The following SEL1L variants were observed in gnomAD, a reference collection of about 807,000 sequenced individuals.
SEL1L encodes protein sel-1 homolog 1.
SEL1L carries 52 observed loss-of-function variants against 109.8 expected under a neutral mutation model. That is an observed-to-expected ratio of 0.47 (90% CI 0.38 to 0.60). SEL1L has a LOEUF of 0.60. Ranked by LOEUF, SEL1L falls within the 20% of genes least tolerant of loss-of-function variation. The pLI is 0.00. For synonymous variants in SEL1L, 373 were observed against 339.6 expected, an observed-to-expected ratio of 1.10 and a Z score of -1.08; for missense variants, 749 against 962.2, an observed-to-expected ratio of 0.78 and a Z score of 2.93.
intron 3 of SEL1L, among the ~76,000 whole-genome samples, chr14:81,510,514 C>CTCTCTCTCTCTCTATATATATA (rs35474067): frequency 3.8e-5 from 4 of 104,054 alleles, no homozygotes; most frequent in African/African-American, 6.8e-5. Flanking sequence ...CTCTCTCTCT[C>CTCTCTCTCTCTCTATATATATA]TATATATATA....
intron 11 of SEL1L, 145 bp downstream of exon 11, chr14:81,494,936 G>C (rs1883683968): frequency 2.9e-6 from 2 of 686,758 alleles, no homozygotes; most frequent in East Asian, 5.5e-5. Flanking sequence ...GCTTTCTTAG[G>C]GGTTGGTTAC....
In SEL1L at chr14:81,489,241, T is replaced by A. The variant is rs1266664463; in HGVS notation, c.1395+11A>T. ...GCTCATTAAAGAGAGAATGTCAGAC[T>A]GAACACTTACAACTTGAACTCCTCT... On this transcript the variant is annotated intron_variant, in intron 14 of 20. Transcript: ENST00000336735. 6.2e-7 allele frequency: 1 copy of A among 1,611,966 alleles called. No homozygotes were observed. Among genetic ancestry groups the A allele is most frequent in the South Asian group, 1.1e-5 (1 of 91,010 alleles).
intron 18 of SEL1L, among the ~76,000 whole-genome samples, chr14:81,484,930 T>C (rs1182339326): frequency 6.6e-6 from 1 of 152,254 alleles, no homozygotes; most frequent in East Asian, 1.9e-4. Flanking sequence ...GGCTCTACTT[T>C]ATAATGTCAT....
Position 81,483,416 on chromosome 14 carries a change from T to C in SEL1L, c.2046+809A>G, listed in dbSNP as rs567109736. On this transcript the variant is annotated intron_variant, in intron 19 of 20. Coordinates refer to ENST00000336735, the MANE Select transcript of SEL1L (RefSeq NM_005065.6). ...AGATCACTGGTAATAAAATTCAAAATGAATTTATACACTTGTTTGTTTCAG... is the reference window on the plus strand; with the variant it reads ...AGATCACTGGTAATAAAATTCAAAACGAATTTATACACTTGTTTGTTTCAG... 5.3e-5 allele frequency among the ~76,000 whole-genome samples: 8 copies of C among 152,338 alleles called. No homozygotes were observed. In the South Asian group the frequency reaches 1.7e-3, roughly 32 times the overall value.
intron 3 of SEL1L, among the ~76,000 whole-genome samples, chr14:81,512,110 C>T (rs765130469): frequency 5.3e-5 from 8 of 152,158 alleles, no homozygotes; most frequent in Non-Finnish European, 1.2e-4. Flanking sequence ...TTGAGTATAT[C>T]ATTGTTCTGG....
Position 81,476,953 on chromosome 14 carries a change from A to T in SEL1L, c.*19T>A, listed in dbSNP as rs764495206. On this transcript the variant is annotated 3_prime_UTR_variant, in exon 21 of 21. Coordinates refer to ENST00000336735, the MANE Select transcript of SEL1L (RefSeq NM_005065.6). ...TAACTTCCTTCGCTGTCACTGATCAAGGCTGGACCCAGTGCCTATTACTGT... is the reference window on the plus strand; with the variant it reads ...TAACTTCCTTCGCTGTCACTGATCATGGCTGGACCCAGTGCCTATTACTGT... 1 of 1,613,444 alleles carries T rather than the reference A, an allele frequency of 6.2e-7. No individual in the cohort carries two copies. Among genetic ancestry groups the T allele is most frequent in the South Asian group, 1.1e-5 (1 of 91,062 alleles).
intron 3 of SEL1L, among the ~76,000 whole-genome samples, chr14:81,522,069 T>A (rs572935908): frequency 6.6e-6 from 1 of 152,238 alleles, no homozygotes; most frequent in Admixed American, 6.5e-5. Context: ...GGATAATATA[T>A]AAAGAAAATA....
At chr14:81,519,080 T>C (rs1884815054) in intron 3 of SEL1L, among the ~76,000 whole-genome samples, 1 of 152,184 alleles carries the variant, frequency 6.6e-6, no homozygotes, top group South Asian at 2.1e-4. Flanking sequence ...GCAAGTTTGG[T>C]ACATGCCAGG....
chr14:81,477,898 A>G (rs112654608), intron 20 of SEL1L, among the ~76,000 whole-genome samples: 50 of 152,356 alleles, frequency 3.3e-4, no homozygotes, highest in African/African-American at 1.2e-3. Flanking sequence ...GTGACAGCAC[A>G]CCAGCTGGAA....
At chr14:81,485,605 T>A in intron 18 of SEL1L, 67 bp downstream of exon 18, 1 of 1,340,884 alleles carries the variant, frequency 7.5e-7, no homozygotes, top group South Asian at 1.2e-5. Context: ...TGATTTAATG[T>A]TCATGGGAGA....
chr14:81,479,656 T>C lies in SEL1L; in HGVS notation c.2131A>G (p.Lys711Glu). The change falls in exon 20 of 21, where the codon AAA becomes GAA. Residue 711 changes from lysine to glutamate, a missense_variant. Around this residue, in one of 2 missense-constraint regions of SEL1L, gnomAD observed 383 missense variants for 562.5 expected, o/e 0.68. Transcript: ENST00000336735. The part of the protein sequence containing the change: ...AQVPVFLALC[K>E]LGVVYFLQYI... ...TGCAAGAAATAGACGACGCCCAATT[T>C]GCAGAGGGCTAGGAAGACTGGAACT... The C allele has an allele frequency of 6.2e-7, 1 of 1,613,876 alleles. No homozygotes were observed. The highest frequency in any genetic ancestry group is 8.5e-7 in the Non-Finnish European group (1 of 1,179,916).
At chr14:81,498,591 G>T (rs1305139846) in intron 8 of SEL1L, 97 bp from the exon 9 acceptor site, 2 of 885,068 alleles carry the variant, frequency 2.3e-6, no homozygotes, top group African/African-American at 1.7e-5. Context: ...GAATTTTGCT[G>T]TCATTTGATC....
intron 19 of SEL1L, among the ~76,000 whole-genome samples, chr14:81,481,534 T>G (rs549625732): frequency 6.6e-6 from 1 of 152,220 alleles, no homozygotes; most frequent in Non-Finnish European, 1.5e-5. Context: ...GATTCATACA[T>G]TGGATGATTC....
At chr14:81,519,040 T>C (rs1460922113) in intron 3 of SEL1L, among the ~76,000 whole-genome samples, 2 of 152,208 alleles carry the variant, frequency 1.3e-5, no homozygotes, top group African/African-American at 2.4e-5. Flanking sequence ...TCACCCAAAC[T>C]GTACAATGTT....
At chr14:81,513,745 G>A (rs936013025) in intron 3 of SEL1L, among the ~76,000 whole-genome samples, 3 of 152,102 alleles carry the variant, frequency 2.0e-5, no homozygotes, top group Admixed American at 6.5e-5. Flanking sequence ...CTGGGAAAGA[G>A]CTCTCTAACC....
intron 6 of SEL1L, among the ~76,000 whole-genome samples, chr14:81,501,432 A>T (rs947485476): frequency 2.0e-5 from 3 of 152,188 alleles, no homozygotes; most frequent in Admixed American, 2.0e-4. Flanking sequence ...GAAAATAAGA[A>T]TATATATGTT....
intron 3 of SEL1L, among the ~76,000 whole-genome samples, chr14:81,521,365 T>TA (rs1258856895): frequency 2.0e-5 from 3 of 151,996 alleles, no homozygotes; most frequent in Non-Finnish European, 2.9e-5. Flanking sequence ...AAAAAAAAGT[T>TA]ACGAAAGATC....
intron 17 of SEL1L, 131 bp downstream of exon 17, chr14:81,486,158 C>T (rs1903513258): frequency 2.3e-6 from 2 of 874,652 alleles, no homozygotes; most frequent in Non-Finnish European, 3.5e-6. Context: ...ATAACTTAAG[C>T]CTGTGTGTTC....
intron 13 of SEL1L, 29 bp downstream of exon 13, chr14:81,490,359 C>T (rs907514178): frequency 2.6e-6 from 4 of 1,516,190 alleles, no homozygotes; most frequent in Non-Finnish European, 2.7e-6. Flanking sequence ...ATATGGTACA[C>T]ATTTCAGTAC....
Sources: gnomAD v4.1 joint callset for allele counts (sites outside exome capture counted in the v4.1 genomes callset) on GRCh38, gnomAD v4.1.1 for gene constraint, gnomAD v4.1.1 regional missense constraint, MANE v1.5 for transcripts, NCBI Gene and HGNC (gene_info 2026-07-23, HGNC 2026-07-21) for gene names.